GADL1: variants seen among roughly 807,000 people sequenced by gnomAD.
GADL1 encodes GAD like acidic amino acid decarboxylase 1.
Under a neutral mutation model 69.5 loss-of-function variants are expected in GADL1, and 71 were observed. The observed-to-expected ratio is 1.02, with a 90% CI of 0.84 to 1.25. The LOEUF (loss-of-function observed/expected upper bound fraction) is 1.25, where lower values mean the gene tolerates loss of function less well. Among genes scored for constraint, GADL1 ranks in the 50% most tolerant of loss-of-function variants. GADL1 has a pLI of 0.00. For missense variants in GADL1, 737 were observed against 631.8 expected, an observed-to-expected ratio of 1.17 and a Z score of -1.79; for synonymous variants, 254 against 214.4, an observed-to-expected ratio of 1.18 and a Z score of -1.62.
intron 11 of GADL1, among the ~76,000 whole-genome samples, chr3:30,823,777 C>T (rs549969724): frequency 7.9e-5 from 12 of 151,816 alleles, no homozygotes; most frequent in Middle Eastern, 3.2e-3. Flanking sequence ...ATCTTAAAAA[C>T]GCCAATAACC....
At chr3:30,888,693 C>A (rs1245742826) in intron 1 of GADL1, among the ~76,000 whole-genome samples, 1 of 151,988 alleles carries the variant, frequency 6.6e-6, no homozygotes, top group Non-Finnish European at 1.5e-5. Context: ...TGCATAACAA[C>A]AAGGAGACAG....
At chr3:30,863,581 T>C (rs1355842548) in intron 1 of GADL1, among the ~76,000 whole-genome samples, 1 of 152,006 alleles carries the variant, frequency 6.6e-6, no homozygotes, top group East Asian at 1.9e-4. Flanking sequence ...AGTATGTTTC[T>C]CCACCTTATA....
At chr3:30,840,994 A>G (rs1039252545) in intron 8 of GADL1, among the ~76,000 whole-genome samples, 2 of 152,216 alleles carry the variant, frequency 1.3e-5, no homozygotes, top group African/African-American at 4.8e-5. Context: ...TTCACCATCT[A>G]TGTAATGACA....
In GADL1 at chr3:30,812,988, G is replaced by C. The variant is rs1161852642; in HGVS notation, c.1051-11900C>G. On this transcript the variant is annotated intron_variant, in intron 11 of 14. Coordinates refer to ENST00000282538, the MANE Select transcript of GADL1 (RefSeq NM_207359.3). ...CAGAAGAAATGAGGTTCAAAGCCAA[G>C]AGAAAATGCAGTGAGGAAGCCTGGA... Among the ~76,000 whole-genome samples the C allele has an allele frequency of 2.0e-5, 3 of 152,128 alleles. No individual in the cohort carries two copies. The East Asian group carries it at 5.8e-4, about 29-fold the overall frequency.
At chr3:30,891,035 T>A (rs1268747790) in intron 1 of GADL1, among the ~76,000 whole-genome samples, 1 of 117,068 alleles carries the variant, frequency 8.5e-6, no homozygotes, top group Non-Finnish European at 1.7e-5. Context: ...TTTGCATTCT[T>A]CCTTCCTTCC....
intron 14 of GADL1, among the ~76,000 whole-genome samples, chr3:30,773,639 C>T (rs976063976): frequency 2.6e-5 from 4 of 152,044 alleles, no homozygotes; most frequent in Non-Finnish European, 4.4e-5. Flanking sequence ...ACAATCTTGT[C>T]TGGACACTAC....
intron 14 of GADL1, among the ~76,000 whole-genome samples, chr3:30,763,002 T>TGGG (rs1337877964): frequency 2.6e-5 from 4 of 152,228 alleles, no homozygotes; most frequent in African/African-American, 4.8e-5. Context: ...TCCCAAATCT[T>TGGG]AGCTATTGTA....
At chr3:30,731,814 G>A (rs548434354) in intron 14 of GADL1, among the ~76,000 whole-genome samples, 1 of 152,304 alleles carries the variant, frequency 6.6e-6, no homozygotes, top group South Asian at 2.1e-4. Context: ...AGGTAAAAAA[G>A]GAAGGTCTCC....
At chr3:30,750,839 T>TC (rs1695799288) in intron 14 of GADL1, among the ~76,000 whole-genome samples, 1 of 152,112 alleles carries the variant, frequency 6.6e-6, no homozygotes, top group Non-Finnish European at 1.5e-5. Context: ...TAGCTCATTT[T>TC]TTTATTTTCA....
chr3:30,818,204 G>A (rs1697507524), intron 11 of GADL1, among the ~76,000 whole-genome samples: 1 of 152,156 alleles, frequency 6.6e-6, no homozygotes, highest in Non-Finnish European at 1.5e-5. Context: ...TTAACACTGA[G>A]AGATTCTAAT....
chr3:30,751,454 G>A (rs941571200), intron 14 of GADL1, among the ~76,000 whole-genome samples: 2 of 149,358 alleles, frequency 1.3e-5, no homozygotes, highest in Non-Finnish European at 3.0e-5. Flanking sequence ...TTATTCCTTC[G>A]TGTCTTCTGT....
chr3:30,793,585 A>G (rs530313601), intron 12 of GADL1, among the ~76,000 whole-genome samples: 21 of 152,270 alleles, frequency 1.4e-4, no homozygotes, highest in African/African-American at 4.1e-4. Flanking sequence ...GTTTTCACCA[A>G]TCCTACTGTG....
chr3:30,800,643 G>A (rs1362823206), intron 12 of GADL1: 1 of 509,988 alleles, frequency 2.0e-6, no homozygotes, highest in East Asian at 3.5e-5. Flanking sequence ...AGTAGGCTAG[G>A]ATCTTGGAGG....
intron 14 of GADL1, among the ~76,000 whole-genome samples, chr3:30,763,541 A>G (rs1696193587): frequency 6.6e-6 from 1 of 151,710 alleles, no homozygotes; most frequent in Non-Finnish European, 1.5e-5. Flanking sequence ...ATTGTAAGTC[A>G]AAACTATTAC....
intron 11 of GADL1, among the ~76,000 whole-genome samples, chr3:30,815,491 G>C (rs931083358): frequency 6.6e-5 from 10 of 152,156 alleles, no homozygotes; most frequent in Non-Finnish European, 1.5e-4. Context: ...GATGTATTTA[G>C]AACAACCATG....
At chr3:30,771,289 A>G (rs1450037211) in intron 14 of GADL1, among the ~76,000 whole-genome samples, 1 of 152,236 alleles carries the variant, frequency 6.6e-6, no homozygotes, top group African/African-American at 2.4e-5. Flanking sequence ...TAGTTGCAGA[A>G]TGGCATAAGA....
At position 30,728,416 on chromosome 3, in the gene GADL1, C is replaced by G; in HGVS notation, c.1393-1G>C. On this transcript the variant is annotated splice_acceptor_variant, in intron 14 of 14. Transcript: ENST00000282538. LOFTEE classifies it high-confidence loss of function. ...TCCTCTCCTTAATGGCTGGGGCCAC[C>G]TGTGTGGGGAGAAAAGGGGAGAGGG... 6.2e-7 allele frequency: 1 copy of G among 1,613,072 alleles called. No homozygotes were observed. Among genetic ancestry groups the G allele is most frequent in the Non-Finnish European group, 8.5e-7 (1 of 1,179,384 alleles).
intron 11 of GADL1, among the ~76,000 whole-genome samples, chr3:30,815,756 A>C (rs1187075816): frequency 6.6e-6 from 1 of 152,198 alleles, no homozygotes; most frequent in Non-Finnish European, 1.5e-5. Flanking sequence ...TTTCTAAATC[A>C]ATGTTTTCTA....
intron 14 of GADL1, among the ~76,000 whole-genome samples, chr3:30,775,394 C>G (rs1212554876): frequency 6.6e-6 from 1 of 152,188 alleles, no homozygotes; most frequent in African/African-American, 2.4e-5. Context: ...AAGTACACTA[C>G]AGGTTATAAA....
Sources: allele counts gnomAD v4.1 joint callset (sites outside exome capture counted in the v4.1 genomes callset), GRCh38; gene constraint gnomAD v4.1.1; transcripts MANE v1.5; gene names NCBI Gene and HGNC (gene_info 2026-07-23, HGNC 2026-07-21).